ALKBH8: variants seen among roughly 807,000 people sequenced by gnomAD.
ALKBH8 encodes the protein tRNA (carboxymethyluridine(34)-5-O)-methyltransferase ALKBH8.
In ALKBH8, 36 loss-of-function variants were observed where a neutral mutation model predicts 59.8. The observed-to-expected ratio is 0.60, with a 90% CI of 0.46 to 0.79. ALKBH8 has a LOEUF of 0.79. Ranked by LOEUF, ALKBH8 falls within the 30% of genes least tolerant of loss-of-function variation. The probability of loss-of-function intolerance (pLI) is 0.00; values close to 1 mark genes in which losing one functional copy is unlikely to be tolerated. For missense variants in ALKBH8, 768 were observed against 801.0 expected (o/e 0.96, Z 0.50); for synonymous variants, 276 against 273.6 (o/e 1.01, Z -0.09).
chr11:107,518,289 TTATGTATG>T (rs1049611154), intron 10 of ALKBH8, among the ~76,000 whole-genome samples: 3 of 152,158 alleles, frequency 2.0e-5, no homozygotes, highest in Non-Finnish European at 4.4e-5. Context: ...TGATAGTTAT[TTATGTATG>T]TATGTAGGTA....
chr11:107,539,524 A>T (rs1863953006), intron 7 of ALKBH8, among the ~76,000 whole-genome samples: 1 of 151,906 alleles, frequency 6.6e-6, no homozygotes, highest in Admixed American at 6.6e-5. Flanking sequence ...ACTTGAACCC[A>T]GGAAGTGGAA....
At chr11:107,511,692 T>G (rs1270143218) in intron 10 of ALKBH8, among the ~76,000 whole-genome samples, 1 of 151,992 alleles carries the variant, frequency 6.6e-6, no homozygotes, top group Non-Finnish European at 1.5e-5. Context: ...TTCTCCTGCC[T>G]CAGCCTCCTA....
chr11:107,523,672 G>A (rs367822368), intron 9 of ALKBH8, among the ~76,000 whole-genome samples: 65 of 149,334 alleles, frequency 4.4e-4, no homozygotes, highest in African/African-American at 1.5e-3. Flanking sequence ...GCATGATATC[G>A]GCTCACTGCA....
chr11:107,561,801 T>A (rs1864948996), intron 1 of ALKBH8, among the ~76,000 whole-genome samples: 1 of 152,174 alleles, frequency 6.6e-6, no homozygotes, highest in Non-Finnish European at 1.5e-5. Flanking sequence ...TATTTGATGG[T>A]AGGGCTAAAT....
chr11:107,556,511 T>A (rs1591324964), intron 3 of ALKBH8, among the ~76,000 whole-genome samples: 1 of 152,308 alleles, frequency 6.6e-6, no homozygotes, highest in Admixed American at 6.5e-5. Context: ...AAATAAGCCA[T>A]GTGCCTAATA....
At chr11:107,530,962 T>C (rs1863570057) in intron 8 of ALKBH8, among the ~76,000 whole-genome samples, 1 of 152,220 alleles carries the variant, frequency 6.6e-6, no homozygotes. Context: ...GTAATACTAT[T>C]ACTTTTAAGA....
intron 3 of ALKBH8, among the ~76,000 whole-genome samples, chr11:107,555,117 G>A (rs529621139): frequency 9.9e-5 from 15 of 152,108 alleles, no homozygotes; most frequent in South Asian, 2.1e-4. Context: ...AAAATTAGCC[G>A]GCCGCAGTGG....
At chr11:107,530,101 A>G (rs1234771284) in intron 8 of ALKBH8, among the ~76,000 whole-genome samples, 1 of 152,124 alleles carries the variant, frequency 6.6e-6, no homozygotes, top group Non-Finnish European at 1.5e-5. Context: ...GAAAACTCCT[A>G]ATTTTTATAT....
Position 107,532,323 on chromosome 11 carries a change from T to G in ALKBH8, c.855A>C (p.Glu285Asp). 6.2e-7 allele frequency: 1 copy of G among 1,613,396 alleles called. No homozygotes were observed. Among genetic ancestry groups the G allele is most frequent in the Non-Finnish European group, 8.5e-7 (1 of 1,179,524 alleles). ...ACCCATGGGTCCAAAGGTATCTAGATTCTCCTGTCATCACCAGCAAACTCC... is the reference window on the plus strand; with the variant it reads ...ACCCATGGGTCCAAAGGTATCTAGAGTCTCCTGTCATCACCAGCAAACTCC... ...PRRSLLVMTG[E>D]SRYLWTHGIT... Residue 285 changes from glutamate to aspartate, a missense_variant, in exon 8 of 12, where the codon GAA becomes GAC. Coordinates refer to ENST00000428149, the MANE Select transcript of ALKBH8 (RefSeq NM_138775.3).
intron 1 of ALKBH8, among the ~76,000 whole-genome samples, chr11:107,561,935 AGACT>A (rs1864954498): frequency 1.3e-5 from 2 of 152,242 alleles, no homozygotes; most frequent in African/African-American, 4.8e-5. Context: ...CTAAACAATA[AGACT>A]ATGACACATC....
chr11:107,561,092 T>C (rs898696947), intron 1 of ALKBH8, among the ~76,000 whole-genome samples, 193 bp from the exon 2 acceptor site: 1 of 152,214 alleles, frequency 6.6e-6, no homozygotes, highest in Non-Finnish European at 1.5e-5. Context: ...TAAGAATATC[T>C]AATAGCATAG....
rs767447777 is a variant in ALKBH8 at position 107,551,791 on chromosome 11, G to T, written c.700+17C>A. The T allele has an allele frequency of 6.7e-7, 1 of 1,501,228 alleles. No individual in the cohort carries two copies. Among genetic ancestry groups the T allele is most frequent in the South Asian group, 1.4e-5 (1 of 72,940 alleles). The allele number at this position is 1,501,228 out of a possible 1,614,324, so 93.0% of individuals were successfully genotyped here. ...TCCAAAATATGTGACTAAAATTTTT[G>T]AACAAGAAATACTCACCTTGCCCAG... On this transcript the variant is annotated intron_variant, in intron 6 of 11. Transcript: ENST00000428149.
chr11:107,517,853 C>T (rs560324539), intron 10 of ALKBH8, among the ~76,000 whole-genome samples: 2 of 152,292 alleles, frequency 1.3e-5, no homozygotes, highest in East Asian at 1.9e-4. Flanking sequence ...AACATGGTGA[C>T]TGTAGTTAAC....
intron 7 of ALKBH8, among the ~76,000 whole-genome samples, chr11:107,547,520 C>A (rs1864314297): frequency 6.6e-6 from 1 of 152,186 alleles, no homozygotes; most frequent in Non-Finnish European, 1.5e-5. Flanking sequence ...TACATTACCT[C>A]ATTTTATTTC....
chr11:107,548,405 C>T (rs986823960), intron 7 of ALKBH8, among the ~76,000 whole-genome samples: 2 of 152,140 alleles, frequency 1.3e-5, no homozygotes, highest in South Asian at 2.1e-4. Context: ...ACTCTGATCT[C>T]GAATTATCTT....
At chr11:107,529,793 C>T (rs528281652) in intron 8 of ALKBH8, among the ~76,000 whole-genome samples, 20 of 152,238 alleles carry the variant, frequency 1.3e-4, no homozygotes, top group Admixed American at 3.9e-4. Context: ...TGAGCCACCG[C>T]ACCCGGCCCT....
chr11:107,539,541 G>A (rs970684780), intron 7 of ALKBH8, among the ~76,000 whole-genome samples: 1 of 152,028 alleles, frequency 6.6e-6, no homozygotes. Context: ...GGAAGTTGCA[G>A]TGAGCCAAGA....
intron 8 of ALKBH8, among the ~76,000 whole-genome samples, chr11:107,529,797 C>A (rs1381116018): frequency 6.6e-6 from 1 of 152,100 alleles, no homozygotes; most frequent in African/African-American, 2.4e-5. Flanking sequence ...CCACCGCACC[C>A]GGCCCTGTCT....
intron 11 of ALKBH8, among the ~76,000 whole-genome samples, chr11:107,507,717 A>T (rs977752306): frequency 2.0e-5 from 3 of 152,190 alleles, no homozygotes; most frequent in African/African-American, 4.8e-5. Context: ...CAGTGGTGTC[A>T]GGGAAGAAGA....
Sources: gnomAD v4.1 joint callset for allele counts (sites outside exome capture counted in the v4.1 genomes callset) on GRCh38, gnomAD v4.1.1 for gene constraint, MANE v1.5 for transcripts, NCBI Gene and HGNC (gene_info 2026-07-23, HGNC 2026-07-21) for gene names.